The following FER variants were observed in gnomAD, a reference collection of about 807,000 sequenced individuals.
The protein encoded by FER is FER tyrosine kinase.
A neutral mutation model predicts 111.0 loss-of-function variants in FER; 63 were observed. The observed-to-expected ratio is 0.57, with a 90% CI of 0.46 to 0.70. The LOEUF is 0.70. FER is among the 30% of genes least tolerant of loss of function. FER has a pLI of 0.00. For synonymous variants in FER, 327 were observed against 313.9 expected (o/e 1.04, Z -0.44); for missense variants, 914 against 954.0 (o/e 0.96, Z 0.55).
chr5:109,109,166 A>G (rs907176665), intron 17 of FER, among the ~76,000 whole-genome samples: 3 of 152,148 alleles, frequency 2.0e-5, no homozygotes, highest in African/African-American at 7.2e-5. Context: ...TAGGTTTTCA[A>G]CAAATTAGCT....
intron 10 of FER, among the ~76,000 whole-genome samples, chr5:108,923,426 C>T (rs116007957): frequency 0.016 from 2,417 of 152,124 alleles, 54 homozygotes; most frequent in African/African-American, 0.056. Flanking sequence ...AATTGTGACC[C>T]AGGGAAGTTT....
At chr5:109,020,068 C>A (rs956966215) in intron 13 of FER, among the ~76,000 whole-genome samples, 1 of 151,918 alleles carries the variant, frequency 6.6e-6, no homozygotes, top group Non-Finnish European at 1.5e-5. Flanking sequence ...CCTCTTAACA[C>A]GCCCACCAGA....
chr5:108,813,173 A>G (rs1757939985), intron 3 of FER, among the ~76,000 whole-genome samples: 1 of 152,116 alleles, frequency 6.6e-6, no homozygotes, highest in Non-Finnish European at 1.5e-5. Context: ...TTTTGAAAAC[A>G]ATTTTTACAT....
intron 3 of FER, among the ~76,000 whole-genome samples, chr5:108,804,228 C>T (rs536180123): frequency 6.6e-5 from 10 of 152,020 alleles, no homozygotes; most frequent in Non-Finnish European, 1.3e-4. Context: ...TTTCAGGAGC[C>T]TTTTGGTGAA....
chr5:108,804,476 A>C (rs879910310), intron 3 of FER, among the ~76,000 whole-genome samples: 8 of 152,136 alleles, frequency 5.3e-5, no homozygotes, highest in Non-Finnish European at 7.4e-5. Context: ...TTTGTCATAG[A>C]TGGCTCTTAC....
intron 5 of FER, among the ~76,000 whole-genome samples, chr5:108,863,021 G>T (rs1034280533): frequency 6.6e-6 from 1 of 152,204 alleles, no homozygotes; most frequent in Non-Finnish European, 1.5e-5. Flanking sequence ...TCAGCTCCAT[G>T]TAGGAGCCTC....
chr5:108,912,990 T>C (rs1021851102), intron 10 of FER, among the ~76,000 whole-genome samples: 9 of 152,108 alleles, frequency 5.9e-5, no homozygotes, highest in African/African-American at 2.2e-4. Flanking sequence ...AGGCCTTGGG[T>C]ATAAGAATCA....
At chr5:108,924,514 C>G in intron 10 of FER, 1 of 964,024 alleles carries the variant, frequency 1.0e-6, no homozygotes, top group Non-Finnish European at 1.3e-6. Context: ...GACTAGTATA[C>G]TTCCATGCCA....
At chr5:108,923,665 T>G (rs567404850) in intron 10 of FER, among the ~76,000 whole-genome samples, 2 of 152,350 alleles carry the variant, frequency 1.3e-5, no homozygotes, top group Non-Finnish European at 2.9e-5. Flanking sequence ...GGAGCCTTAC[T>G]TTCCGATTAA....
intron 1 of FER, among the ~76,000 whole-genome samples, chr5:108,767,687 G>A (rs1324199256): frequency 1.3e-5 from 2 of 152,160 alleles, no homozygotes; most frequent in Non-Finnish European, 2.9e-5. Context: ...TCACTGTGTT[G>A]CCCAGGCTGG....
intron 16 of FER, among the ~76,000 whole-genome samples, chr5:109,052,642 T>C (rs985808384): frequency 6.6e-6 from 1 of 152,232 alleles, no homozygotes; most frequent in African/African-American, 2.4e-5. Context: ...AAAGTGCTGA[T>C]ACCTCGTAAA....
Position 109,067,237 on chromosome 5 carries a change from T to A in FER, c.1924+20039T>A, listed in dbSNP as rs1216022053. Among the ~76,000 whole-genome samples, 5 of 151,006 alleles carry A rather than the reference T, an allele frequency of 3.3e-5. No homozygotes were observed. The East Asian group carries it at 9.7e-4, about 29-fold the overall frequency. ...GAGTGGAGTGACTGGTTTGTTGTTG[T>A]TGTTGTTGTTGTTGTTGTTGTTGTT... On this transcript the variant is annotated intron_variant, in intron 16 of 19. Transcript: ENST00000281092.
chr5:109,003,856 T>G (rs1269286098), intron 13 of FER, among the ~76,000 whole-genome samples: 1 of 152,048 alleles, frequency 6.6e-6, no homozygotes, highest in Non-Finnish European at 1.5e-5. Context: ...GGCGCACACC[T>G]GTAGTCCAAG....
rs1031222329 is a variant in FER at position 109,189,578 on chromosome 5, C to T, written c.*2003C>T. 4.6e-5 allele frequency: 7 copies of T among 152,224 alleles called. No homozygotes were observed. Among genetic ancestry groups the T allele is most frequent in the Middle Eastern group, 3.4e-3 (1 of 294 alleles). 9.4% of individuals were successfully genotyped at this position (152,224 alleles called of 1,614,324 possible). A position where few individuals can be genotyped will look rare whatever the true frequency, so the allele number is the denominator to read the frequency against. Reference sequence around the variant, plus strand: ...TGGCACGTACTATGGTAAATCAAAGCGCAAACTCAGAAGTGCTATGGTATT... The same window carrying T: ...TGGCACGTACTATGGTAAATCAAAGTGCAAACTCAGAAGTGCTATGGTATT... On this transcript the variant is annotated 3_prime_UTR_variant, in exon 20 of 20. Coordinates refer to ENST00000281092, the MANE Select transcript of FER (RefSeq NM_005246.4).
intron 7 of FER, 42 bp downstream of exon 7, chr5:108,871,544 TA>T: frequency 6.9e-7 from 1 of 1,454,930 alleles, no homozygotes; most frequent in Non-Finnish European, 9.3e-7. Context: ...ATGACAGTAT[TA>T]TTTTTCATTC....
intron 9 of FER, among the ~76,000 whole-genome samples, chr5:108,886,736 T>G (rs1747232699): frequency 6.6e-6 from 1 of 151,680 alleles, no homozygotes; most frequent in Non-Finnish European, 1.5e-5. Context: ...ATGAGACCTG[T>G]TTAACCCAAC....
At chr5:108,776,709 AG>A (rs1753535825) in intron 2 of FER, among the ~76,000 whole-genome samples, 1 of 152,202 alleles carries the variant, frequency 6.6e-6, no homozygotes, top group Non-Finnish European at 1.5e-5. Context: ...TTTAGAAAAC[AG>A]CAATTTTAAT....
intron 16 of FER, among the ~76,000 whole-genome samples, chr5:109,062,793 C>G (rs939371343): frequency 2.0e-5 from 3 of 152,096 alleles, no homozygotes; most frequent in Non-Finnish European, 4.4e-5. Flanking sequence ...TCCCTTCTTT[C>G]TGACCTGAAT....
At chr5:109,056,376 ATAT>A (rs1458978199) in intron 16 of FER, among the ~76,000 whole-genome samples, 6 of 152,206 alleles carry the variant, frequency 3.9e-5, no homozygotes, top group Non-Finnish European at 5.9e-5. Context: ...GTTCAGTAGA[ATAT>A]TCTTCAGCCG....
Sources: allele counts gnomAD v4.1 joint callset (sites outside exome capture counted in the v4.1 genomes callset), GRCh38; gene constraint gnomAD v4.1.1; transcripts MANE v1.5; gene names NCBI Gene and HGNC (gene_info 2026-07-23, HGNC 2026-07-21).